MPPED2: variants seen among roughly 807,000 people sequenced by gnomAD.
The protein encoded by MPPED2 is metallophosphoesterase MPPED2.
Under a neutral mutation model 33.0 loss-of-function variants are expected in MPPED2, and 5 were observed. The ratio of observed to expected loss-of-function variants is 0.15; its 90% confidence interval spans 0.08 to 0.32. The LOEUF is 0.32. Among genes scored for constraint, MPPED2 ranks in the 10% least tolerant of loss-of-function variants. The pLI is 1.00. For synonymous variants in MPPED2, 136 were observed against 141.9 expected (o/e 0.96, Z 0.29); for missense variants, 275 against 372.1 (o/e 0.74, Z 2.15).
chr11:30,495,117 C>T (rs1030411515), intron 4 of MPPED2, 179 bp downstream of exon 4: 1 of 604,970 alleles, frequency 1.7e-6, no homozygotes, highest in African/African-American at 1.9e-5. Flanking sequence ...GGATCTCTAT[C>T]ACAATGAAAA....
intron 1 of MPPED2, among the ~76,000 whole-genome samples, chr11:30,583,345 T>G (rs569797208): frequency 7.0e-4 from 107 of 152,154 alleles, no homozygotes; most frequent in South Asian, 4.6e-3. Flanking sequence ...TCTTCACACT[T>G]ACTTTAACTT....
At chr11:30,397,251 C>T (rs1816414641) in intron 6 of MPPED2, among the ~76,000 whole-genome samples, 1 of 152,100 alleles carries the variant, frequency 6.6e-6, no homozygotes, top group Non-Finnish European at 1.5e-5. Flanking sequence ...TTTTCTGAGT[C>T]ATACTTATCA....
chr11:30,451,834 G>C (rs16920697), intron 4 of MPPED2: 134,063 of 984,846 alleles, frequency 0.14, 13,822 homozygotes, highest in African/African-American at 0.52. Flanking sequence ...GACAGGCTGC[G>C]GTGGGAAGTC....
chr11:30,466,042 C>CT, intron 4 of MPPED2, among the ~76,000 whole-genome samples: 1 of 152,216 alleles, frequency 6.6e-6, no homozygotes, highest in Non-Finnish European at 1.5e-5. Context: ...GCCTGATATT[C>CT]TTTTACTTTT....
intron 2 of MPPED2, among the ~76,000 whole-genome samples, chr11:30,540,065 C>T (rs542574211): frequency 6.6e-6 from 1 of 152,290 alleles, no homozygotes; most frequent in South Asian, 2.1e-4. Flanking sequence ...TGAGCATGGT[C>T]CAAAGACTTT....
intron 2 of MPPED2, among the ~76,000 whole-genome samples, chr11:30,560,415 A>T (rs1280395813): frequency 2.0e-5 from 3 of 152,078 alleles, no homozygotes; most frequent in Admixed American, 1.3e-4. Context: ...ACTCTTAGTA[A>T]GCAGAAGTTG....
chr11:30,421,595 G>T (rs578217205), intron 4 of MPPED2, among the ~76,000 whole-genome samples: 55 of 152,084 alleles, frequency 3.6e-4, no homozygotes, highest in Admixed American at 2.2e-3. Flanking sequence ...TCTATTTTTA[G>T]TTAAAAACCT....
chr11:30,457,559 G>T (rs1352813706), intron 4 of MPPED2, among the ~76,000 whole-genome samples: 2 of 152,064 alleles, frequency 1.3e-5, no homozygotes, highest in Non-Finnish European at 2.9e-5. Context: ...TATTTACTTG[G>T]TGCCCATTAA....
chr11:30,538,716 C>A (rs1031804103), intron 2 of MPPED2, among the ~76,000 whole-genome samples: 3 of 151,476 alleles, frequency 2.0e-5, no homozygotes, highest in Non-Finnish European at 2.9e-5. Flanking sequence ...GCAAGACAAG[C>A]AAAGAAGGCT....
At chr11:30,582,192 A>T (rs1957197626) in intron 1 of MPPED2, among the ~76,000 whole-genome samples, 2 of 152,222 alleles carry the variant, frequency 1.3e-5, no homozygotes, top group Non-Finnish European at 2.9e-5. Flanking sequence ...TTCTCTTTTG[A>T]GACACAAAGT....
At chr11:30,564,169 G>C (rs1259982776) in intron 2 of MPPED2, among the ~76,000 whole-genome samples, 1 of 152,110 alleles carries the variant, frequency 6.6e-6, no homozygotes, top group East Asian at 1.9e-4. Flanking sequence ...TAAGCATTTT[G>C]TATTTTTAGT....
intron 2 of MPPED2, among the ~76,000 whole-genome samples, chr11:30,565,248 G>A (rs753556272): frequency 6.6e-6 from 1 of 152,058 alleles, no homozygotes; most frequent in Non-Finnish European, 1.5e-5. Context: ...ATGAGATTCC[G>A]CTTGGCCCTA....
rs1564921267 is a variant in MPPED2, at chr11:30,584,365, CA to C, written c.-122+1676del. 1,306 of 152,210 alleles carry C rather than the reference CA, an allele frequency of 8.6e-3. 17 individuals are homozygous for C. The highest frequency in any genetic ancestry group is 0.028 in the African/African-American group (1,143 of 41,022). 9.4% of individuals were successfully genotyped at this position (152,210 alleles called of 1,614,324 possible). A position where few individuals can be genotyped will look rare whatever the true frequency, so the allele number is the denominator to read the frequency against. ...CTACACACACACACACACACACACA[CA>C]CACACACACACCACATACACTCGCC... On this transcript the variant is annotated intron_variant, in intron 1 of 6. Coordinates refer to ENST00000358117, the MANE Select transcript of MPPED2 (RefSeq NM_001584.3).
At chr11:30,477,729 G>A (rs1951283862) in intron 4 of MPPED2, among the ~76,000 whole-genome samples, 1 of 152,052 alleles carries the variant, frequency 6.6e-6, no homozygotes, top group Admixed American at 6.6e-5. Flanking sequence ...TATAAAACAT[G>A]TTGGGAAGCA....
chr11:30,406,054 A>T (rs1396028061), downstream of MPPED2, among the ~76,000 whole-genome samples: 1 of 152,206 alleles, frequency 6.6e-6, no homozygotes, highest in Non-Finnish European at 1.5e-5. Context: ...GTTCTGAGGT[A>T]GAAAAGGTAG....
intron 4 of MPPED2, among the ~76,000 whole-genome samples, chr11:30,446,168 T>C (rs1280639491): frequency 6.6e-6 from 1 of 152,220 alleles, no homozygotes; most frequent in Admixed American, 6.5e-5. Context: ...TCAAAGGCTA[T>C]GAGTTCCTTC....
In MPPED2 at chr11:30,490,534, G is replaced by A. The variant is rs139136202; in HGVS notation, c.536+4762C>T. Among the ~76,000 whole-genome samples the A allele has an allele frequency of 4.6e-3, 705 of 152,108 alleles. 1 individual carries two copies. Among genetic ancestry groups the A allele is most frequent in the Non-Finnish European group, 7.2e-3 (490 of 67,986 alleles). ...ATCAACTATTGCCTTCCCATTTGAG[G>A]GAGCCCCTTTCCTTCCAGACCTGGC... On this transcript the variant is annotated intron_variant, in intron 4 of 6. Transcript: ENST00000358117.
intron 3 of MPPED2, among the ~76,000 whole-genome samples, chr11:30,525,552 G>A (rs763623047): frequency 6.6e-6 from 1 of 151,974 alleles, no homozygotes; most frequent in Non-Finnish European, 1.5e-5. Context: ...TTTCTCTTTA[G>A]GAGATGGGGA....
At chr11:30,554,118 A>T (rs751133087) in intron 2 of MPPED2, among the ~76,000 whole-genome samples, 1 of 152,180 alleles carries the variant, frequency 6.6e-6, no homozygotes, top group Non-Finnish European at 1.5e-5. Flanking sequence ...GCAACTGCAG[A>T]GACTGGTTCT....
Sources: allele counts gnomAD v4.1 joint callset (sites outside exome capture counted in the v4.1 genomes callset), GRCh38; gene constraint gnomAD v4.1.1; transcripts MANE v1.5; gene names NCBI Gene and HGNC (gene_info 2026-07-23, HGNC 2026-07-21).